Variants in FAF1 observed in about 807,000 individuals in gnomAD.
FAF1 encodes FAS-associated factor 1.
Under a neutral mutation model 92.5 loss-of-function variants are expected in FAF1, and 25 were observed. That is an observed-to-expected ratio of 0.27 (90% CI 0.20 to 0.38). FAF1 has a LOEUF of 0.38. FAF1 is among the 10% of genes least tolerant of loss of function. The pLI is 1.00. For synonymous variants in FAF1, 234 were observed against 273.2 expected (o/e 0.86, Z 1.42); for missense variants, 636 against 793.3 (o/e 0.80, Z 2.38).
At chr1:50,891,165 T>C (rs1331254085) in intron 1 of FAF1, among the ~76,000 whole-genome samples, 2 of 152,252 alleles carry the variant, frequency 1.3e-5, no homozygotes, top group Non-Finnish European at 2.9e-5. Context: ...CTATTGAAGC[T>C]TGTACATGTG....
At chr1:50,742,852 T>A (rs1327083321) in intron 5 of FAF1, among the ~76,000 whole-genome samples, 1 of 152,228 alleles carries the variant, frequency 6.6e-6, no homozygotes, top group South Asian at 2.1e-4. Context: ...AACTATGGCC[T>A]GTGGGTCAAA....
chr1:50,701,366 CA>C (rs1657466669), intron 7 of FAF1, among the ~76,000 whole-genome samples: 1 of 151,242 alleles, frequency 6.6e-6, no homozygotes, highest in African/African-American at 2.4e-5. Context: ...CCAGCAACCC[CA>C]ACCCTCCCCA....
chr1:50,839,637 A>T (rs192640035), intron 2 of FAF1, among the ~76,000 whole-genome samples: 46 of 152,288 alleles, frequency 3.0e-4, no homozygotes, highest in African/African-American at 1.1e-3. Flanking sequence ...TCAGGTCCTT[A>T]TAATACTTGT....
At chr1:50,703,598 A>C (rs114240567) in intron 7 of FAF1, among the ~76,000 whole-genome samples, 1,773 of 152,318 alleles carry the variant, frequency 0.012, 29 homozygotes, top group African/African-American at 0.041. Context: ...TAAAGGGAAA[A>C]AAAGGAAAAA....
chr1:50,668,315 A>T (rs1655720320), intron 7 of FAF1, among the ~76,000 whole-genome samples: 1 of 152,186 alleles, frequency 6.6e-6, no homozygotes, highest in African/African-American at 2.4e-5. Context: ...AACCTACTTA[A>T]CCTCTCCTTT....
chr1:50,838,166 T>C (rs1644225853), intron 2 of FAF1, among the ~76,000 whole-genome samples: 1 of 152,052 alleles, frequency 6.6e-6, no homozygotes, highest in Admixed American at 6.6e-5. Flanking sequence ...CACAACAGGA[T>C]GGTTTTATGG....
At chr1:50,772,908 T>G (rs1184146366) in intron 4 of FAF1, among the ~76,000 whole-genome samples, 1 of 152,110 alleles carries the variant, frequency 6.6e-6, no homozygotes, top group Non-Finnish European at 1.5e-5. Context: ...ATTAATAAAA[T>G]TTTTAAAATA....
At chr1:50,486,390 G>A (rs1004490839) in intron 17 of FAF1, among the ~76,000 whole-genome samples, 7 of 152,110 alleles carry the variant, frequency 4.6e-5, no homozygotes, top group Admixed American at 1.3e-4. Flanking sequence ...GCCCTGTGCC[G>A]TTCCCCTTTT....
At chr1:50,948,035 C>A (rs577996178) in intron 1 of FAF1, among the ~76,000 whole-genome samples, 1 of 152,108 alleles carries the variant, frequency 6.6e-6, no homozygotes, top group East Asian at 1.9e-4. Flanking sequence ...TGATCACTGA[C>A]AATCTAACAT....
At chr1:50,939,866 T>C (rs1455490820) in intron 1 of FAF1, among the ~76,000 whole-genome samples, 1 of 152,214 alleles carries the variant, frequency 6.6e-6, no homozygotes, top group African/African-American at 2.4e-5. Flanking sequence ...GATATATCAT[T>C]TCACCCATAA....
In FAF1 at chr1:50,475,575, C is replaced by T; in HGVS notation, c.1758G>A (p.Leu586=). Residue 586 remains leucine, a synonymous_variant, in exon 18 of 19, where the codon TTG becomes TTA. Coordinates refer to ENST00000396153, the MANE Select transcript of FAF1 (RefSeq NM_007051.3). ...LRIRTPSGEF[L]ERRFLASNKL... ...TGTTGCTGGCCAGGAAACGCCGCTCCAAGAACTCGCCACTGGGGGTCCGGA... is the reference window on the plus strand; with the variant it reads ...TGTTGCTGGCCAGGAAACGCCGCTCTAAGAACTCGCCACTGGGGGTCCGGA... 1 of 1,614,112 alleles carries T rather than the reference C, an allele frequency of 6.2e-7. No individual in the cohort carries two copies. Among genetic ancestry groups the T allele is most frequent in the African/African-American group, 1.3e-5 (1 of 75,034 alleles).
At chr1:50,852,457 A>T (rs571384515) in intron 2 of FAF1, among the ~76,000 whole-genome samples, 1 of 152,252 alleles carries the variant, frequency 6.6e-6, no homozygotes, top group African/African-American at 2.4e-5. Flanking sequence ...AGAACTGAGA[A>T]TCTATTTGAA....
intron 2 of FAF1, among the ~76,000 whole-genome samples, chr1:50,810,318 C>A (rs968156686): frequency 2.6e-5 from 4 of 152,080 alleles, no homozygotes; most frequent in Admixed American, 1.3e-4. Context: ...ATAAACAGAA[C>A]TAAAAACAAA....
At chr1:50,771,436 C>T (rs184730760) in intron 4 of FAF1, among the ~76,000 whole-genome samples, 1 of 152,140 alleles carries the variant, frequency 6.6e-6, no homozygotes, top group Admixed American at 6.5e-5. Flanking sequence ...AAACAAACAA[C>T]CCCATTAAAA....
intron 8 of FAF1, among the ~76,000 whole-genome samples, chr1:50,618,640 T>C (rs1420891128): frequency 2.0e-5 from 3 of 152,120 alleles, no homozygotes; most frequent in Non-Finnish European, 4.4e-5. Flanking sequence ...ATATTTAGGA[T>C]AGTTAAGTCT....
At chr1:50,879,907 G>A (rs553888250) in intron 1 of FAF1, among the ~76,000 whole-genome samples, 8 of 152,228 alleles carry the variant, frequency 5.3e-5, no homozygotes, top group Admixed American at 6.5e-5. Flanking sequence ...GATGTGGAAG[G>A]GACTATGGGA....
intron 13 of FAF1, among the ~76,000 whole-genome samples, chr1:50,543,321 C>A (rs1188466049): frequency 6.6e-6 from 1 of 152,064 alleles, no homozygotes; most frequent in African/African-American, 2.4e-5. Flanking sequence ...TCCACAAATG[C>A]TCACTGCCTA....
chr1:50,850,383 G>A (rs1176170856), intron 2 of FAF1, among the ~76,000 whole-genome samples: 1 of 152,122 alleles, frequency 6.6e-6, no homozygotes. Flanking sequence ...GGCCTTTAAA[G>A]AACAATTCCA....
chr1:50,550,351 TAAAAAAAAAA>T (rs11297579), intron 13 of FAF1, among the ~76,000 whole-genome samples: 1 of 108,362 alleles, frequency 9.2e-6, no homozygotes, highest in Non-Finnish European at 1.8e-5. Context: ...ACTCCGTCTT[TAAAAAAAAAA>T]AAAAAAAAAA....
Sources: allele counts gnomAD v4.1 joint callset (sites outside exome capture counted in the v4.1 genomes callset), GRCh38; gene constraint gnomAD v4.1.1; transcripts MANE v1.5; gene names NCBI Gene and HGNC (gene_info 2026-07-23, HGNC 2026-07-21).